The following DCC variants were observed in gnomAD, a reference collection of about 807,000 sequenced individuals.
The protein encoded by DCC is netrin receptor DCC.
In DCC, 58 loss-of-function variants were observed where a neutral mutation model predicts 172.5. That is an observed-to-expected ratio of 0.34 (90% confidence interval 0.27 to 0.42). The LOEUF (loss-of-function observed/expected upper bound fraction) is 0.42, where lower values mean the gene tolerates loss of function less well. DCC is among the 10% of genes least tolerant of loss of function. The pLI, the probability that DCC is intolerant of heterozygous loss-of-function variation, is 1.00. For missense variants in DCC, 1,740 were observed against 1,791.0 expected (o/e 0.97, Z 0.51); for synonymous variants, 709 against 644.5 (o/e 1.10, Z -1.52).
At chr18:52,454,737 C>T (rs749611837) in intron 1 of DCC, among the ~76,000 whole-genome samples, 93 of 152,122 alleles carry the variant, frequency 6.1e-4, no homozygotes, top group Non-Finnish European at 1.9e-4. Flanking sequence ...CATTAACAAA[C>T]ATTTAGCTTT....
At chr18:52,364,896 C>T (rs1379445055) in intron 1 of DCC, among the ~76,000 whole-genome samples, 1 of 152,140 alleles carries the variant, frequency 6.6e-6, no homozygotes, top group Non-Finnish European at 1.5e-5. Flanking sequence ...TTTTCACCTC[C>T]TACTCCCACT....
At chr18:52,522,872 T>C (rs1015037935) in intron 1 of DCC, among the ~76,000 whole-genome samples, 1 of 151,934 alleles carries the variant, frequency 6.6e-6, no homozygotes, top group Non-Finnish European at 1.5e-5. Context: ...CAAGAAGAGG[T>C]TGGGTGTGAC....
intron 28 of DCC, among the ~76,000 whole-genome samples, chr18:53,527,337 A>G (rs956252551): frequency 6.6e-6 from 1 of 151,700 alleles, no homozygotes; most frequent in Admixed American, 6.6e-5. Context: ...TCCTGCCTCA[A>G]TTTCCCAAGT....
intron 2 of DCC, among the ~76,000 whole-genome samples, chr18:52,765,200 A>ATTT (rs563633847): frequency 2.8e-4 from 39 of 138,094 alleles, no homozygotes; most frequent in East Asian, 1.1e-3. Flanking sequence ...CTCCTGGCTA[A>ATTT]TTTTTTTTTT....
At chr18:52,636,204 T>C (rs1006494203) in intron 1 of DCC, among the ~76,000 whole-genome samples, 2 of 151,842 alleles carry the variant, frequency 1.3e-5, no homozygotes, top group African/African-American at 4.8e-5. Flanking sequence ...GCCCGCTGGG[T>C]TCTGGAGCAG....
chr18:53,467,649 A>G (rs1248349975), intron 24 of DCC, among the ~76,000 whole-genome samples: 1 of 152,220 alleles, frequency 6.6e-6, no homozygotes, highest in East Asian at 1.9e-4. Flanking sequence ...TTTCACATGT[A>G]TAAACATATG....
chr18:52,443,005 A>ACT (rs1568172643), intron 1 of DCC, among the ~76,000 whole-genome samples: 1 of 145,472 alleles, frequency 6.9e-6, no homozygotes, highest in African/African-American at 2.5e-5. Context: ...CTTTCTTTCT[A>ACT]TTTTTTTTTT....
intron 12 of DCC, among the ~76,000 whole-genome samples, chr18:53,225,047 AAG>A (rs1298863379): frequency 1.3e-5 from 2 of 152,146 alleles, no homozygotes; most frequent in Non-Finnish European, 2.9e-5. Context: ...CAGGGATAAA[AAG>A]AGGAAGGGTG....
intron 2 of DCC, among the ~76,000 whole-genome samples, chr18:52,860,674 G>C (rs2039127265): frequency 6.6e-6 from 1 of 152,208 alleles, no homozygotes; most frequent in South Asian, 2.1e-4. Context: ...AGTATAGCAA[G>C]AATAGTGATT....
intron 7 of DCC, among the ~76,000 whole-genome samples, chr18:53,152,027 G>A (rs2144380514): frequency 6.6e-6 from 1 of 152,194 alleles, no homozygotes; most frequent in Middle Eastern, 3.4e-3. Flanking sequence ...AATGATAGTT[G>A]TTTGCTCTTA....
intron 2 of DCC, among the ~76,000 whole-genome samples, chr18:52,779,202 C>T (rs1475215354): frequency 6.6e-6 from 1 of 152,046 alleles, no homozygotes; most frequent in Non-Finnish European, 1.5e-5. Context: ...ATGTGCAGAA[C>T]ATGCAGGTTT....
chr18:53,371,519 C>G (rs2058059808), intron 15 of DCC, among the ~76,000 whole-genome samples: 1 of 151,840 alleles, frequency 6.6e-6, no homozygotes, highest in Non-Finnish European at 1.5e-5. Flanking sequence ...TGTTTTTGGT[C>G]ACAGCTACCC....
At chr18:52,523,773 G>C in intron 1 of DCC, among the ~76,000 whole-genome samples, 1 of 152,140 alleles carries the variant, frequency 6.6e-6, no homozygotes, top group East Asian at 1.9e-4. Context: ...TTTGGCATGG[G>C]ATCAATAACT....
Position 52,455,743 on chromosome 18 carries a change from A to G in DCC, c.91+114865A>G, listed in dbSNP as rs560077467. Among the ~76,000 whole-genome samples the G allele has an allele frequency of 2.0e-5, 3 of 152,264 alleles. No homozygotes were observed. In the East Asian group the frequency reaches 5.8e-4, roughly 29 times the overall value. ...TGTAAAATGGGGTTATTATTATTCC[A>G]TAGAGTTTGTTATAAAAACCAAATA... On this transcript the variant is annotated intron_variant, in intron 1 of 28. Transcript: ENST00000442544.
At chr18:52,855,310 C>T (rs959717644) in intron 2 of DCC, among the ~76,000 whole-genome samples, 1 of 152,206 alleles carries the variant, frequency 6.6e-6, no homozygotes, top group African/African-American at 2.4e-5. Context: ...CGGAGTAAGA[C>T]TTAGGGTAAA....
intron 12 of DCC, among the ~76,000 whole-genome samples, chr18:53,296,101 C>T (rs1446123089): frequency 2.6e-5 from 4 of 152,114 alleles, no homozygotes; most frequent in African/African-American, 9.7e-5. Context: ...TTTCAGTTCA[C>T]AGTAGAAACA....
chr18:52,358,767 A>G (rs3862675), intron 1 of DCC, among the ~76,000 whole-genome samples: 51,908 of 152,000 alleles, frequency 0.34, 9,306 homozygotes, highest in East Asian at 0.51. Context: ...GCATCTTCAC[A>G]TGTCTGGAAG....
At chr18:53,099,029 T>C (rs2043126000) in intron 7 of DCC, among the ~76,000 whole-genome samples, 1 of 152,042 alleles carries the variant, frequency 6.6e-6, no homozygotes, top group African/African-American at 2.4e-5. Context: ...ATAATAGTAA[T>C]AGTAATTTGT....
At chr18:52,901,734 C>A (rs1337156824) in intron 2 of DCC, among the ~76,000 whole-genome samples, 1 of 152,108 alleles carries the variant, frequency 6.6e-6, no homozygotes, top group East Asian at 1.9e-4. Flanking sequence ...ATCCAACTTT[C>A]AAAATTTGGA....
Sources: gnomAD v4.1 joint callset for allele counts (sites outside exome capture counted in the v4.1 genomes callset) on GRCh38, gnomAD v4.1.1 for gene constraint, MANE v1.5 for transcripts, NCBI Gene and HGNC (gene_info 2026-07-23, HGNC 2026-07-21) for gene names.